BACE2: variants seen among roughly 807,000 people sequenced by gnomAD.
BACE2 encodes beta-secretase 2, also known as 56 kDa aspartic-like protease.
BACE2 carries 17 observed loss-of-function variants against 46.2 expected under a neutral mutation model. That is an observed-to-expected ratio of 0.37 (90% CI 0.25 to 0.55). The LOEUF is 0.55. Among genes scored for constraint, BACE2 ranks in the 20% least tolerant of loss-of-function variants. BACE2 has a pLI of 0.82. For missense variants in BACE2, 595 were observed against 698.1 expected, an observed-to-expected ratio of 0.85 and a Z score of 1.66; for synonymous variants, 277 against 295.9, an observed-to-expected ratio of 0.94 and a Z score of 0.66.
At chr21:41,175,855 A>G (rs957091545) in intron 1 of BACE2, 2 of 152,174 alleles carry the variant, frequency 1.3e-5, no homozygotes, top group African/African-American at 4.8e-5. Context: ...CCTTGGAGAG[A>G]CATCCAGAGC....
chr21:41,239,823 A>G (rs1431396413), intron 3 of BACE2, among the ~76,000 whole-genome samples: 6 of 152,250 alleles, frequency 3.9e-5, no homozygotes, highest in Non-Finnish European at 5.9e-5. Context: ...TTGCAGACGC[A>G]TGAAAACTTC....
intron 8 of BACE2, among the ~76,000 whole-genome samples, chr21:41,258,451 G>A (rs1214643792): frequency 6.6e-6 from 1 of 152,192 alleles, no homozygotes; most frequent in African/African-American, 2.4e-5. Flanking sequence ...GTGAAGAGCT[G>A]CCAGGATGAG....
At chr21:41,174,164 TA>T (rs1260705832) in intron 1 of BACE2, among the ~76,000 whole-genome samples, 23 of 143,934 alleles carry the variant, frequency 1.6e-4, no homozygotes, top group East Asian at 6.1e-4. Flanking sequence ...TTTTTTTTTT[TA>T]AACAGTCTCG....
chr21:41,235,106 TA>T (rs1175796031), intron 2 of BACE2, among the ~76,000 whole-genome samples: 1 of 152,188 alleles, frequency 6.6e-6, no homozygotes, highest in Non-Finnish European at 1.5e-5. Flanking sequence ...ATTATAAAAA[TA>T]ATGCATGCAA....
chr21:41,183,408 A>G (rs939332111), intron 1 of BACE2: 9 of 167,236 alleles, frequency 5.4e-5, no homozygotes, highest in African/African-American at 2.2e-4. Flanking sequence ...ACACATCACA[A>G]TACATGTACA....
rs2088516913 is a variant in BACE2 at position 41,278,858 on chromosome 21, A to T, written c.*3234A>T. ...TATCATTGGGAATAAATCGTTGTTC[A>T]ACAGTCTGTTCCACAAACAACAGTA... is the stretch of plus-strand genomic sequence containing the variant. On this transcript the variant is annotated 3_prime_UTR_variant, in exon 9 of 9. Coordinates refer to ENST00000330333, the MANE Select transcript of BACE2 (RefSeq NM_012105.5). The T allele has an allele frequency of 6.6e-6, 1 of 152,226 alleles. No individual in the cohort carries two copies. 9.4% of individuals were successfully genotyped at this position (152,226 alleles called of 1,614,324 possible).
intron 1 of BACE2, among the ~76,000 whole-genome samples, chr21:41,222,040 G>A (rs1184117354): frequency 6.6e-6 from 1 of 152,170 alleles, no homozygotes; most frequent in African/African-American, 2.4e-5. Context: ...TTACAAGAAT[G>A]CGCTCGGAGT....
chr21:41,190,842 A>G (rs1025149359), intron 1 of BACE2, among the ~76,000 whole-genome samples: 1 of 152,182 alleles, frequency 6.6e-6, no homozygotes, highest in Non-Finnish European at 1.5e-5. Context: ...GTCTGGGTCA[A>G]TCACCCCGGC....
intron 2 of BACE2, among the ~76,000 whole-genome samples, chr21:41,231,355 T>A (rs1207115963): frequency 6.6e-6 from 1 of 152,110 alleles, no homozygotes. Flanking sequence ...GGGCATCCGG[T>A]CACCTGGGCC....
rs779053557 is a variant in BACE2 at position 41,275,607 on chromosome 21, A to G, written c.1540A>G (p.Arg514Gly). 14 of 1,613,854 alleles carry G rather than the reference A, an allele frequency of 8.7e-6. No homozygotes were observed. The highest frequency in any genetic ancestry group is 1.2e-5 in the Non-Finnish European group (14 of 1,180,008). The stretch of plus-strand genomic sequence containing the variant: ...CGTCAATGATGAGTCCTCTCTGGTC[A>G]GACATCGCTGGAAATGAATAGCCAG... ...EVVNDESSLV[R>G]HRWK The change falls in exon 9 of 9, where the codon AGA becomes GGA. Residue 514 changes from arginine to glycine, a missense_variant. Arg to Gly is a moderately radical substitution (Grantham distance 125). Transcript: ENST00000330333.
intron 5 of BACE2, 81 bp from the exon 6 acceptor site, chr21:41,245,881 A>T (rs1193716843): frequency 1.0e-6 from 1 of 998,942 alleles, no homozygotes; most frequent in Non-Finnish European, 1.5e-6. Context: ...TAACAGACAG[A>T]TGGTGATGGC....
intron 1 of BACE2, among the ~76,000 whole-genome samples, chr21:41,210,898 T>C (rs1986280771): frequency 6.6e-6 from 1 of 152,196 alleles, no homozygotes; most frequent in African/African-American, 2.4e-5. Context: ...AACTGCTGAA[T>C]ATGTATGTTT....
chr21:41,203,013 C>T (rs1601262068), intron 1 of BACE2, among the ~76,000 whole-genome samples: 1 of 152,112 alleles, frequency 6.6e-6, no homozygotes, highest in Non-Finnish European at 1.5e-5. Flanking sequence ...TGACTGCAAA[C>T]GTTTGGCAAA....
chr21:41,179,785 A>G (rs1985041248), intron 1 of BACE2: 1 of 600,014 alleles, frequency 1.7e-6, no homozygotes, highest in Non-Finnish European at 2.7e-6. Context: ...CACAGAGACT[A>G]TTGTGTGTTT....
chr21:41,179,882 AG>A lies in BACE2; in HGVS notation c.312+11308del, dbSNP rs550138858. On this transcript the variant is annotated intron_variant, in intron 1 of 8. Coordinates refer to ENST00000330333, the MANE Select transcript of BACE2 (RefSeq NM_012105.5). Reference sequence around the variant, plus strand: ...GGCTAGTTTACTGGGAGATGATCCCAGTGATGCAGGACAGGCGAGCCCTAAG... The same window carrying A: ...GGCTAGTTTACTGGGAGATGATCCCATGATGCAGGACAGGCGAGCCCTAAG... 166 of 384,388 alleles carry A rather than the reference AG, an allele frequency of 4.3e-4. 1 individual carries two copies. Among genetic ancestry groups the A allele is most frequent in the Admixed American group, 2.3e-3 (62 of 27,152 alleles). The allele number at this position is 384,388 out of a possible 1,614,324, so 23.8% of individuals were successfully genotyped here.
At chr21:41,178,051 T>C (rs1260856540) in intron 1 of BACE2, 3 of 152,180 alleles carry the variant, frequency 2.0e-5, no homozygotes, top group East Asian at 3.9e-4. Flanking sequence ...GTCCTGTGGG[T>C]GGAGACTGGA....
chr21:41,169,356 T>C (rs1984514449), intron 1 of BACE2, among the ~76,000 whole-genome samples: 1 of 149,674 alleles, frequency 6.7e-6, no homozygotes, highest in Admixed American at 6.7e-5. Flanking sequence ...AACACAAAAA[T>C]AAAATCAAAC....
At chr21:41,249,299 C>T (rs553606918) in intron 6 of BACE2, among the ~76,000 whole-genome samples, 69 of 150,708 alleles carry the variant, frequency 4.6e-4, no homozygotes, top group Non-Finnish European at 8.3e-4. Context: ...CACATGTACA[C>T]TTGGCCTCAG....
At chr21:41,209,614 C>A (rs942423670) in intron 1 of BACE2, among the ~76,000 whole-genome samples, 2 of 152,172 alleles carry the variant, frequency 1.3e-5, no homozygotes, top group African/African-American at 4.8e-5. Context: ...AGAGGCAGGA[C>A]AAGGCACGAT....
Sources: allele counts gnomAD v4.1 joint callset (sites outside exome capture counted in the v4.1 genomes callset), GRCh38; gene constraint gnomAD v4.1.1; transcripts MANE v1.5; gene names NCBI Gene and HGNC (gene_info 2026-07-23, HGNC 2026-07-21).